The following ARL8B variants were observed in gnomAD, a reference collection of about 807,000 sequenced individuals.
ARL8B encodes ARF like GTPase 8B.
In ARL8B, 9 loss-of-function variants were observed where a neutral mutation model predicts 30.6. That is an observed-to-expected ratio of 0.29 (90% confidence interval 0.18 to 0.51). The LOEUF (loss-of-function observed/expected upper bound fraction) is 0.51, where lower values mean the gene tolerates loss of function less well. Ranked by LOEUF, ARL8B falls within the 20% of genes least tolerant of loss-of-function variation. ARL8B has a pLI of 0.97. For synonymous variants in ARL8B, 74 were observed against 76.0 expected (o/e 0.97, Z 0.14); for missense variants, 130 against 227.2 (o/e 0.57, Z 2.75).
chr3:5,158,062 G>A (rs555713472), intron 1 of ARL8B, among the ~76,000 whole-genome samples: 8 of 151,880 alleles, frequency 5.3e-5, no homozygotes, highest in Non-Finnish European at 1.0e-4. Context: ...TGCAGCCTCC[G>A]CCTCCTGGGT....
At chr3:5,137,909 C>CT (rs1253347120) in intron 1 of ARL8B, among the ~76,000 whole-genome samples, 1 of 152,002 alleles carries the variant, frequency 6.6e-6, no homozygotes. Context: ...TCTGATTCTT[C>CT]TTTTTAAATC....
intron 1 of ARL8B, among the ~76,000 whole-genome samples, chr3:5,128,162 CAAAAAA>C (rs35084667): frequency 1.9e-5 from 1 of 53,152 alleles, no homozygotes; most frequent in Non-Finnish European, 4.3e-5. Context: ...AAATCCGTCT[CAAAAAA>C]AAAAAAAAAA....
intron 1 of ARL8B, among the ~76,000 whole-genome samples, chr3:5,169,483 C>G (rs2054652276): frequency 6.6e-6 from 1 of 151,636 alleles, no homozygotes; most frequent in African/African-American, 2.4e-5. Context: ...TTTTTCATAG[C>G]AGCTATACCA....
chr3:5,162,946 G>A (rs1321437270), intron 1 of ARL8B, among the ~76,000 whole-genome samples: 2 of 149,864 alleles, frequency 1.3e-5, no homozygotes, highest in African/African-American at 2.5e-5. Context: ...TGTTTGTTGG[G>A]CCTATCTTTA....
chr3:5,166,736 G>A (rs990219544), intron 1 of ARL8B, among the ~76,000 whole-genome samples: 2 of 152,152 alleles, frequency 1.3e-5, no homozygotes, highest in Admixed American at 6.5e-5. Flanking sequence ...CTGTCTGTAC[G>A]TTCTTCACCA....
chr3:5,156,103 A>G (rs1226994658), intron 1 of ARL8B, among the ~76,000 whole-genome samples: 4 of 152,034 alleles, frequency 2.6e-5, no homozygotes, highest in Admixed American at 2.0e-4. Flanking sequence ...GCGTTACACT[A>G]TGTTAGCCAG....
At chr3:5,124,187 A>AT (rs751952079) in intron 1 of ARL8B, among the ~76,000 whole-genome samples, 12 of 147,366 alleles carry the variant, frequency 8.1e-5, no homozygotes, top group Non-Finnish European at 1.6e-4. Flanking sequence ...TAATATTATG[A>AT]TTTTTTGCGC....
At chr3:5,148,204 T>C in intron 1 of ARL8B, among the ~76,000 whole-genome samples, 1 of 152,134 alleles carries the variant, frequency 6.6e-6, no homozygotes, top group East Asian at 1.9e-4. Flanking sequence ...ACTGCTAAAC[T>C]GAGGGCATCC....
chr3:5,134,538 A>C (rs1217174717), intron 1 of ARL8B, among the ~76,000 whole-genome samples: 1 of 152,178 alleles, frequency 6.6e-6, no homozygotes, highest in East Asian at 1.9e-4. Context: ...GTGTGCTTTA[A>C]ATCTAAAGGA....
At position 5,130,196 on chromosome 3, in the gene ARL8B, T is replaced by A. The variant is rs533653964; in HGVS notation, c.123+7608T>A. ...TATTCTCTTAAAAAAAAATATATAT[T>A]TTTTTTTTGTAGAGACTTCATCTCA... On this transcript the variant is annotated intron_variant, in intron 1 of 6. Transcript: ENST00000256496. 1.4e-3 allele frequency among the ~76,000 whole-genome samples: 190 copies of A among 138,718 alleles called. 1 individual carries two copies. Among genetic ancestry groups the A allele is most frequent in the Admixed American group, 4.0e-3 (58 of 14,588 alleles). 91.0% of individuals were successfully genotyped at this position (138,718 alleles called of 152,430 possible). A position where few individuals can be genotyped will look rare whatever the true frequency, so the allele number is the denominator to read the frequency against.
intron 1 of ARL8B, chr3:5,156,987 C>T (rs2054539256): frequency 6.6e-6 from 1 of 152,206 alleles, no homozygotes; most frequent in South Asian, 2.1e-4. Context: ...GTTTTGGATA[C>T]TTCGAGTACT....
In ARL8B at chr3:5,162,987, C is replaced by CTTTTTT. The variant is rs58230539; in HGVS notation, c.124-7503_124-7498dup. 2.9e-4 allele frequency among the ~76,000 whole-genome samples: 37 copies of CTTTTTT among 125,818 alleles called. 3 individuals carry two copies. The highest frequency in any genetic ancestry group is 9.3e-4 in the African/African-American group (29 of 31,216). 82.5% of individuals were successfully genotyped at this position (125,818 alleles called of 152,430 possible). A position where few individuals can be genotyped will look rare whatever the true frequency, so the allele number is the denominator to read the frequency against. On this transcript the variant is annotated intron_variant, in intron 1 of 6. Transcript: ENST00000256496. The stretch of plus-strand genomic sequence containing the variant: ...GTGTGTACTCAGTGTTTAGCTCCCA[C>CTTTTTT]TTTTTTTTTTTTTTTTTTGAGACGG...
intron 2 of ARL8B, 35 bp from the exon 3 acceptor site, chr3:5,172,115 A>G (rs770914636): frequency 2.1e-5 from 32 of 1,550,536 alleles, no homozygotes; most frequent in Non-Finnish European, 2.7e-5. Context: ...TAATTAAAAT[A>G]TCTTTATTAA....
intron 1 of ARL8B, 49 bp from the exon 2 acceptor site, chr3:5,170,454 G>A (rs377122270): frequency 7.9e-7 from 1 of 1,272,794 alleles, no homozygotes; most frequent in Non-Finnish European, 1.1e-6. Flanking sequence ...AGTTTATGCA[G>A]TGTCATTATA....
intron 1 of ARL8B, among the ~76,000 whole-genome samples, chr3:5,146,399 T>C (rs1313701208): frequency 1.3e-5 from 2 of 152,182 alleles, no homozygotes; most frequent in Admixed American, 1.3e-4. Flanking sequence ...ATTGGAGTAT[T>C]GTATGGTGAC....
intron 1 of ARL8B, among the ~76,000 whole-genome samples, chr3:5,148,907 TG>T (rs1329629483): frequency 1.3e-5 from 2 of 152,196 alleles, no homozygotes; most frequent in African/African-American, 4.8e-5. Flanking sequence ...GCTCCCTCTT[TG>T]CTTTGTACCC....
At chr3:5,130,438 T>C (rs889880081) in intron 1 of ARL8B, among the ~76,000 whole-genome samples, 16 of 152,172 alleles carry the variant, frequency 1.1e-4, no homozygotes, top group African/African-American at 2.9e-4. Context: ...ATTGGTAGAT[T>C]GCATATTCCA....
chr3:5,157,562 G>A (rs1005087179), intron 1 of ARL8B, among the ~76,000 whole-genome samples: 1 of 152,188 alleles, frequency 6.6e-6, no homozygotes, highest in Non-Finnish European at 1.5e-5. Context: ...AAGCACTTAA[G>A]TTAGACCACA....
intron 1 of ARL8B, among the ~76,000 whole-genome samples, chr3:5,124,256 ATTTTT>A (rs35897178): frequency 9.5e-6 from 1 of 105,698 alleles, no homozygotes; most frequent in African/African-American, 3.7e-5. Context: ...AATACCACTA[ATTTTT>A]TTTTTTTTTT....
Sources: allele counts gnomAD v4.1 joint callset (sites outside exome capture counted in the v4.1 genomes callset), GRCh38; gene constraint gnomAD v4.1.1; transcripts MANE v1.5; gene names NCBI Gene and HGNC (gene_info 2026-07-23, HGNC 2026-07-21).